Variants in GALNT2 observed in about 807,000 individuals in gnomAD.
GALNT2 encodes polypeptide N-acetylgalactosaminyltransferase 2, also known as UDP-GalNAc:polypeptide N-acetylgalactosaminyltransferase 2.
A neutral mutation model predicts 81.4 loss-of-function variants in GALNT2; 31 were observed. That is an observed-to-expected ratio of 0.38 (90% confidence interval 0.29 to 0.51). The LOEUF (loss-of-function observed/expected upper bound fraction) is 0.51, where lower values mean the gene tolerates loss of function less well. Among genes scored for constraint, GALNT2 ranks in the 20% least tolerant of loss-of-function variants. The pLI is 0.87. For missense variants in GALNT2, 629 were observed against 765.7 expected, an observed-to-expected ratio of 0.82 and a Z score of 2.11; for synonymous variants, 303 against 287.4, an observed-to-expected ratio of 1.05 and a Z score of -0.55.
In GALNT2 at chr1:230,086,339, C is replaced by A. The variant is rs546115782; in HGVS notation, c.126+18933C>A. ...TGGTTAGTTCAGCCTGACGACCCAG[C>A]AGAGCACCTCCTGGTCATTCTGCCG... On this transcript the variant is annotated intron_variant, in intron 1 of 15. Coordinates refer to ENST00000366672, the MANE Select transcript of GALNT2 (RefSeq NM_004481.5). 5.3e-5 allele frequency among the ~76,000 whole-genome samples: 8 copies of A among 152,226 alleles called. No homozygotes were observed. The South Asian group carries it at 8.3e-4, about 16-fold the overall frequency.
rs1279505340 is a variant in GALNT2, at chr1:230,271,072, C to G, written c.1441-3373C>G. ...GCCAACACCTGCTGCCAGGGACAGT[C>G]TGGAACCCTTCTCCATACCAGCGTT... On this transcript the variant is annotated intron_variant, in intron 14 of 15. Transcript: ENST00000366672. The surrounding 1 kb of genome is among the most constrained non-coding windows in gnomAD (Gnocchi z 4.2). 1.3e-5 allele frequency among the ~76,000 whole-genome samples: 2 copies of G among 152,206 alleles called. No homozygotes were observed. The highest frequency in any genetic ancestry group is 2.9e-5 in the Non-Finnish European group (2 of 68,032).
chr1:230,178,078 A>G (rs924237515), intron 1 of GALNT2, 140 bp from the exon 2 acceptor site: 2 of 559,948 alleles, frequency 3.6e-6, no homozygotes, highest in Admixed American at 3.5e-5. Context: ...TGGGGTCTTT[A>G]AGATGTGCCC....
chr1:230,090,073 G>A (rs562549807), intron 1 of GALNT2, among the ~76,000 whole-genome samples: 31 of 152,302 alleles, frequency 2.0e-4, no homozygotes, highest in Non-Finnish European at 4.4e-4. Flanking sequence ...TCTGTTGTTT[G>A]ATAGTAGCCA....
At chr1:230,201,717 G>C (rs574008819) in intron 2 of GALNT2, among the ~76,000 whole-genome samples, 1 of 152,278 alleles carries the variant, frequency 6.6e-6, no homozygotes, top group Non-Finnish European at 1.5e-5. Flanking sequence ...CCAGGCTCTT[G>C]CTTGCTCCTT....
intron 1 of GALNT2, among the ~76,000 whole-genome samples, chr1:230,103,510 A>G (rs2883027): frequency 0.43 from 64,729 of 151,670 alleles, 13,743 homozygotes; most frequent in South Asian, 0.53. Flanking sequence ...GTTGGAAAGA[A>G]ATGTAAGTCA....
intron 14 of GALNT2, 148 bp downstream of exon 14, chr1:230,265,515 C>T: frequency 8.4e-6 from 9 of 1,067,188 alleles, no homozygotes; most frequent in Non-Finnish European, 1.2e-5. Flanking sequence ...GCCACAGCCT[C>T]TTTGGCAGCC....
At chr1:230,080,472 G>A (rs564296892) in intron 1 of GALNT2, among the ~76,000 whole-genome samples, 1 of 152,280 alleles carries the variant, frequency 6.6e-6, no homozygotes, top group South Asian at 2.1e-4. Context: ...TGGTGCCAGC[G>A]GGAAGGTCTA....
intron 1 of GALNT2, among the ~76,000 whole-genome samples, chr1:230,084,574 G>C (rs909546275): frequency 3.3e-5 from 5 of 152,104 alleles, no homozygotes; most frequent in African/African-American, 9.7e-5. Context: ...GTTGCTAGGT[G>C]AGGGAGATGA....
intron 3 of GALNT2, among the ~76,000 whole-genome samples, chr1:230,215,432 A>G (rs150127620): frequency 5.3e-5 from 8 of 152,326 alleles, no homozygotes; most frequent in Non-Finnish European, 1.0e-4. Context: ...CTAGCTCTCT[A>G]GTGCCTTCAA....
chr1:230,262,711 G>A (rs769241185), intron 12 of GALNT2, 46 bp downstream of exon 12: 32 of 1,454,438 alleles, frequency 2.2e-5, no homozygotes, highest in Non-Finnish European at 2.8e-5. Flanking sequence ...GATTCTTGGG[G>A]TGTGGGGGTG....
chr1:230,265,610 G>T (rs1666012871), intron 14 of GALNT2, among the ~76,000 whole-genome samples: 1 of 152,214 alleles, frequency 6.6e-6, no homozygotes, highest in Non-Finnish European at 1.5e-5. Context: ...GCAGCGGCAA[G>T]GGTGCACTGG....
intron 1 of GALNT2, among the ~76,000 whole-genome samples, chr1:230,151,136 A>C (rs1662082617): frequency 6.6e-6 from 1 of 152,168 alleles, no homozygotes; most frequent in African/African-American, 2.4e-5. Context: ...TTGATTTTAT[A>C]GCTTTGCCAA....
chr1:230,112,822 C>T (rs541020776), intron 1 of GALNT2, among the ~76,000 whole-genome samples: 19 of 152,100 alleles, frequency 1.2e-4, no homozygotes, highest in African/African-American at 3.1e-4. Context: ...GGCCTGGCTC[C>T]GCTGGTCCAC....
intron 2 of GALNT2, among the ~76,000 whole-genome samples, chr1:230,201,017 A>G (rs949983574): frequency 2.0e-5 from 3 of 152,232 alleles, no homozygotes; most frequent in African/African-American, 7.2e-5. Flanking sequence ...GGTGAGGAGT[A>G]GAAGCTGCTC....
intron 3 of GALNT2, among the ~76,000 whole-genome samples, chr1:230,221,132 A>G (rs890704489): frequency 1.3e-5 from 2 of 152,176 alleles, no homozygotes; most frequent in African/African-American, 2.4e-5. Flanking sequence ...TATAAATACA[A>G]TGACAGTAAA....
chr1:230,063,287 G>A (rs1288514041), upstream of GALNT2, among the ~76,000 whole-genome samples: 15 of 150,876 alleles, frequency 9.9e-5, no homozygotes, highest in South Asian at 4.2e-4. Context: ...CTTTAGCCTC[G>A]GCGACAGAGC....
chr1:230,119,026 C>T (rs1660934204), intron 1 of GALNT2, among the ~76,000 whole-genome samples: 1 of 152,136 alleles, frequency 6.6e-6, no homozygotes, highest in African/African-American at 2.4e-5. Context: ...TTTGAACTCA[C>T]AGTACCATAA....
At chr1:230,194,501 C>G (rs1253244239) in intron 2 of GALNT2, among the ~76,000 whole-genome samples, 1 of 152,238 alleles carries the variant, frequency 6.6e-6, no homozygotes, top group Non-Finnish European at 1.5e-5. Context: ...GGCCCATCCC[C>G]TCTCTGACTG....
intron 3 of GALNT2, among the ~76,000 whole-genome samples, chr1:230,222,268 C>T (rs948594875): frequency 1.3e-5 from 2 of 151,908 alleles, no homozygotes; most frequent in Admixed American, 6.6e-5. Flanking sequence ...CCTCGTGATC[C>T]GCCCGCCTCG....
Sources: allele counts gnomAD v4.1 joint callset (sites outside exome capture counted in the v4.1 genomes callset), GRCh38; gene constraint gnomAD v4.1.1; non-coding constraint Gnocchi (gnomAD v3.1); transcripts MANE v1.5; gene names NCBI Gene and HGNC (gene_info 2026-07-23, HGNC 2026-07-21).